PLXNC1: variants seen among roughly 807,000 people sequenced by gnomAD.
PLXNC1 encodes the protein plexin-C1.
In PLXNC1, 75 loss-of-function variants were observed where a neutral mutation model predicts 178.2. The observed-to-expected ratio is 0.42, with a 90% CI of 0.35 to 0.51. The LOEUF is 0.51. Ranked by LOEUF, PLXNC1 falls within the 20% of genes least tolerant of loss-of-function variation. The pLI is 0.02. For missense variants in PLXNC1, 1,503 were observed against 1,984.4 expected, an observed-to-expected ratio of 0.76 and a Z score of 4.61; for synonymous variants, 790 against 779.9, an observed-to-expected ratio of 1.01 and a Z score of -0.22.
intron 9 of PLXNC1, among the ~76,000 whole-genome samples, chr12:94,235,579 A>G (rs1198532520): frequency 6.6e-6 from 1 of 152,210 alleles, no homozygotes; most frequent in Non-Finnish European, 1.5e-5. Context: ...CCCTAAGAAG[A>G]CAGTGGACTC....
At chr12:94,247,819 A>G (rs1565828974) in intron 12 of PLXNC1, 84 bp from the exon 13 acceptor site, 3 of 1,219,094 alleles carry the variant, frequency 2.5e-6, no homozygotes, top group Admixed American at 1.9e-5. Flanking sequence ...CAAGAAGTTA[A>G]GTTGCTCAGG....
At chr12:94,232,341 A>G (rs1307767484) in intron 9 of PLXNC1, among the ~76,000 whole-genome samples, 1 of 152,098 alleles carries the variant, frequency 6.6e-6, no homozygotes, top group East Asian at 1.9e-4. Context: ...TGCCTGCTTC[A>G]GCCTCCCAAA....
chr12:94,212,483 A>AC (rs1302827217), intron 5 of PLXNC1, among the ~76,000 whole-genome samples: 2 of 38,624 alleles, frequency 5.2e-5, no homozygotes, highest in Non-Finnish European at 1.1e-4. Flanking sequence ...CCAGCCCCCC[A>AC]CCCCCCGGCA....
chr12:94,231,793 C>T (rs1964110826), intron 9 of PLXNC1, among the ~76,000 whole-genome samples: 1 of 152,104 alleles, frequency 6.6e-6, no homozygotes, highest in East Asian at 1.9e-4. Context: ...TAGTTGAAAC[C>T]TTGTCAGGGA....
intron 4 of PLXNC1, among the ~76,000 whole-genome samples, chr12:94,201,768 T>C (rs1290382304): frequency 8.6e-6 from 1 of 115,642 alleles, no homozygotes; most frequent in Non-Finnish European, 1.8e-5. Context: ...TTTTTTTTTT[T>C]TTTTTTTTTT....
chr12:94,283,606 G>GT (rs1263626996), intron 23 of PLXNC1, among the ~76,000 whole-genome samples: 1 of 152,220 alleles, frequency 6.6e-6, no homozygotes, highest in Non-Finnish European at 1.5e-5. Flanking sequence ...AGGGATGAGA[G>GT]TTTTTAAGGA....
chr12:94,156,717 T>C (rs1961183746), intron 1 of PLXNC1, among the ~76,000 whole-genome samples: 1 of 150,556 alleles, frequency 6.6e-6, no homozygotes, highest in Non-Finnish European at 1.5e-5. Context: ...TCTTTTTTTT[T>C]TTTTTTTTTA....
At chr12:94,196,098 T>C (rs913441068) in intron 4 of PLXNC1, among the ~76,000 whole-genome samples, 1 of 152,216 alleles carries the variant, frequency 6.6e-6, no homozygotes, top group South Asian at 2.1e-4. Flanking sequence ...GTATAATCCA[T>C]GGTGCACAGT....
intron 9 of PLXNC1, among the ~76,000 whole-genome samples, chr12:94,235,516 G>A (rs535717361): frequency 1.8e-4 from 27 of 152,250 alleles, no homozygotes; most frequent in African/African-American, 5.5e-4. Flanking sequence ...GGATGTAAAC[G>A]TGAGTCTGCA....
chr12:94,224,119 T>G, intron 6 of PLXNC1, 109 bp from the exon 7 acceptor site: 1 of 745,212 alleles, frequency 1.3e-6, no homozygotes, highest in East Asian at 2.5e-5. Context: ...GGCACGCTCC[T>G]GCCCACTATG....
chr12:94,226,166 C>T (rs1054623578), intron 7 of PLXNC1, among the ~76,000 whole-genome samples: 2 of 152,188 alleles, frequency 1.3e-5, no homozygotes, highest in Non-Finnish European at 2.9e-5. Flanking sequence ...CTCTGCTTGC[C>T]AGCTAACACT....
At chr12:94,259,434 A>G in intron 18 of PLXNC1, 59 bp downstream of exon 18, 2 of 1,270,212 alleles carry the variant, frequency 1.6e-6, no homozygotes, top group Non-Finnish European at 1.1e-6. Flanking sequence ...TAGTGTTATC[A>G]TCATCACTAT....
intron 5 of PLXNC1, among the ~76,000 whole-genome samples, chr12:94,215,684 T>G (rs1963627719): frequency 6.6e-6 from 1 of 152,056 alleles, no homozygotes; most frequent in Admixed American, 6.5e-5. Context: ...TGTAAAAATT[T>G]TAAAGAACAG....
chr12:94,255,917 C>T (rs116049443), intron 17 of PLXNC1: 3 of 152,524 alleles, frequency 2.0e-5, no homozygotes, highest in Non-Finnish European at 2.9e-5. Context: ...TCTGAGGAGT[C>T]GTCTACTTAA....
chr12:94,291,138 G>A (rs963236954), intron 23 of PLXNC1, among the ~76,000 whole-genome samples: 20 of 152,366 alleles, frequency 1.3e-4, no homozygotes, highest in African/African-American at 4.6e-4. Flanking sequence ...GGTCTTAGGT[G>A]AGAACGCTTG....
At chr12:94,199,708 C>T (rs1196977346) in intron 4 of PLXNC1, among the ~76,000 whole-genome samples, 1 of 152,214 alleles carries the variant, frequency 6.6e-6, no homozygotes, top group Non-Finnish European at 1.5e-5. Flanking sequence ...AGGGGCACCT[C>T]TCCACCCTTG....
rs1963132911 is a variant in PLXNC1 at position 94,201,788 on chromosome 12, A to T, written c.1440-7802A>T. On this transcript the variant is annotated intron_variant, in intron 4 of 30. Coordinates refer to ENST00000258526, the MANE Select transcript of PLXNC1 (RefSeq NM_005761.3). The stretch of plus-strand genomic sequence containing the variant: ...TTTTTTTTTTTTTTTTTTTTTTTTG[A>T]GACAGAGTCTTGCTCTGTCACCCAG... 1.6e-4 allele frequency among the ~76,000 whole-genome samples: 11 copies of T among 69,670 alleles called. No homozygotes were observed. In the South Asian group the frequency reaches 2.1e-3, roughly 13 times the overall value. 45.7% of individuals were successfully genotyped at this position (69,670 alleles called of 152,430 possible).
At chr12:94,182,189 A>T (rs1209421826) in intron 3 of PLXNC1, among the ~76,000 whole-genome samples, 1 of 152,198 alleles carries the variant, frequency 6.6e-6, no homozygotes, top group Non-Finnish European at 1.5e-5. Flanking sequence ...TATTCTTTGC[A>T]TGATCTCTGT....
intron 21 of PLXNC1, among the ~76,000 whole-genome samples, chr12:94,273,543 C>T (rs1458147780): frequency 1.3e-5 from 2 of 152,110 alleles, no homozygotes; most frequent in East Asian, 1.9e-4. Context: ...GTTTGAAAAC[C>T]CCCTGCCGAC....
Sources: gnomAD v4.1 joint callset for allele counts (sites outside exome capture counted in the v4.1 genomes callset) on GRCh38, gnomAD v4.1.1 for gene constraint, MANE v1.5 for transcripts, NCBI Gene and HGNC (gene_info 2026-07-23, HGNC 2026-07-21) for gene names.